Variants in TEX15 observed in about 807,000 individuals in gnomAD.
TEX15 encodes testis-expressed protein 15.
In TEX15, 171 loss-of-function variants were observed where a neutral mutation model predicts 237.3. The ratio of observed to expected loss-of-function variants is 0.72; its 90% CI spans 0.64 to 0.82. TEX15 has a LOEUF of 0.82. TEX15 is among the 40% of genes least tolerant of loss of function. The probability of loss-of-function intolerance (pLI) is 0.00; values close to 1 mark genes in which losing one functional copy is unlikely to be tolerated. For missense variants in TEX15, 3,750 were observed against 3,646.5 expected, an observed-to-expected ratio of 1.03 and a Z score of -0.73; for synonymous variants, 1,338 against 1,269.8, an observed-to-expected ratio of 1.05 and a Z score of -1.14.
At chr8:30,869,713 C>G (rs559602548) in intron 4 of TEX15, among the ~76,000 whole-genome samples, 3 of 152,122 alleles carry the variant, frequency 2.0e-5, no homozygotes, top group African/African-American at 7.2e-5. Flanking sequence ...TTGAGCTTGA[C>G]CTCCTATCTC....
In TEX15 at chr8:30,844,392, C is replaced by A. The variant is rs1563235226; in HGVS notation, c.5775G>T (p.Lys1925Asn). Reference protein sequence around the residue: ...VSNPLNKREKKGEIKVSKDSQ... With the variant: ...VSNPLNKREKNGEIKVSKDSQ... ...AGTCTTTACTAACTTTAATTTCCCCCTTCTTCTCTCTTTTGTTAAGCGGAT... is the reference window on the plus strand; with the variant it reads ...AGTCTTTACTAACTTTAATTTCCCCATTCTTCTCTCTTTTGTTAAGCGGAT... Residue 1925 changes from lysine (K) to asparagine (N), a missense_variant, in exon 8 of 11, where the codon AAG becomes AAT. Transcript: ENST00000643185. 1 of 1,610,126 alleles carries A rather than the reference C, an allele frequency of 6.2e-7. No homozygotes were observed. Among genetic ancestry groups the A allele is most frequent in the African/African-American group, 1.3e-5 (1 of 74,672 alleles).
intron 1 of TEX15, among the ~76,000 whole-genome samples, chr8:30,909,870 T>C (rs1451307565): frequency 6.6e-6 from 1 of 152,158 alleles, no homozygotes; most frequent in African/African-American, 2.4e-5. Flanking sequence ...TTTAATAGAT[T>C]CAGAGGAAAA....
At chr8:30,887,492 G>C (rs1042649835) in intron 2 of TEX15, among the ~76,000 whole-genome samples, 181 bp from the exon 3 acceptor site, 1 of 152,050 alleles carries the variant, frequency 6.6e-6, no homozygotes, top group African/African-American at 2.4e-5. Context: ...TACAACTTTG[G>C]TTTTTATATA....
chr8:30,880,924 CT>C (rs34766783), intron 3 of TEX15, among the ~76,000 whole-genome samples: 11 of 148,940 alleles, frequency 7.4e-5, no homozygotes, highest in Non-Finnish European at 1.0e-4. Context: ...GTTTTCCTTT[CT>C]TTTTTTTTTA....
In TEX15 at chr8:30,842,166, A is replaced by T; in HGVS notation, c.8001T>A (p.Asn2667Lys). Reference protein sequence around the residue: ...MNIHIVKPGENNNKFSISTML... With the variant: ...MNIHIVKPGEKNNKFSISTML... ...TCGTAGAAATACTAAATTTATTGTT[A>T]TTTTCCCCAGGTTTTACAATATGAA... is the stretch of plus-strand genomic sequence containing the variant. Residue 2667 changes from asparagine (N) to lysine (K), a missense_variant, in exon 8 of 11, where the codon AAT (asparagine) becomes AAA (lysine). Physicochemically the swap from Asn to Lys is moderately conservative, Grantham distance 94 (BLOSUM62 0). Transcript: ENST00000643185. 6.2e-7 allele frequency: 1 copy of T among 1,612,254 alleles called. No homozygotes were observed. Among genetic ancestry groups the T allele is most frequent in the Non-Finnish European group, 8.5e-7 (1 of 1,179,370 alleles).
chr8:30,857,082 T>C (rs1585292076), intron 7 of TEX15, among the ~76,000 whole-genome samples: 1 of 152,212 alleles, frequency 6.6e-6, no homozygotes, highest in Non-Finnish European at 1.5e-5. Flanking sequence ...AAGATGCTCA[T>C]GGCAAAAGGA....
intron 1 of TEX15, among the ~76,000 whole-genome samples, chr8:30,902,720 TACAGA>T (rs1809030947): frequency 6.6e-6 from 1 of 152,206 alleles, no homozygotes; most frequent in Non-Finnish European, 1.5e-5. Context: ...CTTATTAAAA[TACAGA>T]TTACTGGGTC....
Position 30,847,506 on chromosome 8 carries a change from C to G in TEX15, c.2661G>C (p.Lys887Asn), listed in dbSNP as rs1171553610. 1 of 1,613,398 alleles carries G rather than the reference C, an allele frequency of 6.2e-7. No homozygotes were observed. The highest frequency in any genetic ancestry group is 1.3e-5 in the African/African-American group (1 of 75,016). Reference sequence around the variant, plus strand: ...AATTTTCGTTTGTATGAGAATCCTGCTTTTTGTCTCCATATATGTTCTCTA... The same window carrying G: ...AATTTTCGTTTGTATGAGAATCCTGGTTTTTGTCTCCATATATGTTCTCTA... ...NNIENIYGDKKQDSHTNENFS... is the reference protein window; with the variant it reads ...NNIENIYGDKNQDSHTNENFS... The change falls in exon 8 of 11, where the codon AAG becomes AAC. Residue 887 changes from lysine (K) to asparagine (N), a missense_variant. Coordinates refer to ENST00000643185, the MANE Select transcript of TEX15 (RefSeq NM_001350162.2).
chr8:30,841,126 C>T (rs2128766909), intron 8 of TEX15, among the ~76,000 whole-genome samples: 1 of 152,216 alleles, frequency 6.6e-6, no homozygotes, highest in East Asian at 1.9e-4. Flanking sequence ...CACCATGTTG[C>T]CCAGGCTGGT....
rs765921223 is a variant in TEX15, at chr8:30,847,989, C to T, written c.2178G>A (p.Gln726=). 1 of 1,613,884 alleles carries T rather than the reference C, an allele frequency of 6.2e-7. No homozygotes were observed. Among genetic ancestry groups the T allele is most frequent in the South Asian group, 1.1e-5 (1 of 91,062 alleles). ...TGTTACCCTCATACTCCACAGAGTGCTGAGGATGCTTTTGTGACAGGCTCT... is the reference window on the plus strand; with the variant it reads ...TGTTACCCTCATACTCCACAGAGTGTTGAGGATGCTTTTGTGACAGGCTCT... ...SFESLSQKHP[Q]HSVEYEGNIH... Residue 726 remains glutamine (Q), a synonymous_variant, in exon 8 of 11, where the codon CAG becomes CAA. Transcript: ENST00000643185.
chr8:30,850,450 C>T (rs1207627994), intron 7 of TEX15, among the ~76,000 whole-genome samples: 1 of 152,116 alleles, frequency 6.6e-6, no homozygotes, highest in Non-Finnish European at 1.5e-5. Flanking sequence ...CTTGTGACAT[C>T]TATAAAACAT....
chr8:30,887,346 C>T (rs1159296315), intron 2 of TEX15, 35 bp from the exon 3 acceptor site: 5 of 1,488,288 alleles, frequency 3.4e-6, no homozygotes, highest in Non-Finnish European at 4.4e-6. Context: ...GCAAAAAGGT[C>T]AATAAATACA....
Position 30,875,233 on chromosome 8 carries a change from T to A in TEX15, c.137-131A>T, listed in dbSNP as rs560347073. On this transcript the variant is annotated intron_variant, in intron 3 of 10. Transcript: ENST00000643185. The stretch of plus-strand genomic sequence containing the variant: ...TTTCATTAACAACATAAGGCAACCA[T>A]TTGTATTTAAGATTCTACAACAGTA... The A allele has an allele frequency of 1.7e-4, 86 of 504,948 alleles. 3 individuals are homozygous for A. The South Asian group carries it at 8.6e-3, about 50-fold the overall frequency. The allele number at this position is 504,948 out of a possible 1,614,324, so 31.3% of individuals were successfully genotyped here.
At chr8:30,869,105 T>TA (rs907594334) in intron 4 of TEX15, among the ~76,000 whole-genome samples, 7 of 151,856 alleles carry the variant, frequency 4.6e-5, no homozygotes, top group African/African-American at 1.2e-4. Context: ...AATATGTTAG[T>TA]AAAAAAATGA....
intron 9 of TEX15, among the ~76,000 whole-genome samples, chr8:30,838,739 C>CAT: frequency 6.9e-6 from 1 of 144,042 alleles, no homozygotes; most frequent in Admixed American, 7.0e-5. Context: ...CACACATACA[C>CAT]ACATATGTAT....
chr8:30,888,574 T>C (rs971173872), intron 2 of TEX15: 1 of 1,258,032 alleles, frequency 7.9e-7, no homozygotes. Context: ...CAAGCTGGAT[T>C]TCAAAAGAAA....
chr8:30,833,790 C>A (rs895505322), intron 10 of TEX15, among the ~76,000 whole-genome samples: 1 of 152,084 alleles, frequency 6.6e-6, no homozygotes, highest in Non-Finnish European at 1.5e-5. Flanking sequence ...ATTGCAATTG[C>A]CTCCTTAATT....
chr8:30,851,743 C>A (rs1178033026), intron 7 of TEX15, among the ~76,000 whole-genome samples: 3 of 152,122 alleles, frequency 2.0e-5, no homozygotes, highest in Admixed American at 6.5e-5. Flanking sequence ...TCGAGACCAG[C>A]CTGGCCAACA....
At chr8:30,835,804 G>C (rs1807279450) in intron 10 of TEX15, among the ~76,000 whole-genome samples, 1 of 152,096 alleles carries the variant, frequency 6.6e-6, no homozygotes, top group African/African-American at 2.4e-5. Context: ...ATTTTAGAAA[G>C]AAACAATTTC....
Sources: gnomAD v4.1 joint callset for allele counts (sites outside exome capture counted in the v4.1 genomes callset) on GRCh38, gnomAD v4.1.1 for gene constraint, MANE v1.5 for transcripts, NCBI Gene and HGNC (gene_info 2026-07-23, HGNC 2026-07-21) for gene names.